ZNF680: variants seen among roughly 807,000 people sequenced by gnomAD.
ZNF680 encodes the protein zinc finger protein 680.
In ZNF680, 6 loss-of-function variants were observed where a neutral mutation model predicts 12.1. The observed-to-expected ratio is 0.49, with a 90% CI of 0.27 to 0.98. The LOEUF is 0.98. Ranked by LOEUF, ZNF680 falls within the 50% of genes least tolerant of loss-of-function variation. ZNF680 has a pLI of 0.12. For synonymous variants in ZNF680, 170 were observed against 199.3 expected (o/e 0.85, Z 1.24); for missense variants, 561 against 616.3 (o/e 0.91, Z 0.95).
intron 1 of ZNF680, among the ~76,000 whole-genome samples, chr7:64,556,259 TAAA>T (rs58056053): frequency 0.014 from 1,216 of 88,480 alleles, 17 homozygotes; most frequent in African/African-American, 0.041. Context: ...TTCACGGAAC[TAAA>T]AAAAAAAAAA....
At chr7:64,508,147 A>AT in the ZNF680 span, among the ~76,000 whole-genome samples, 22 of 135,254 alleles carry the variant, frequency 1.6e-4, no homozygotes, top group African/African-American at 5.6e-4. Context: ...ATATATACAT[A>AT]ATTTTTTTTT....
chr7:64,517,555 C>T (rs973149809), downstream of ZNF680, among the ~76,000 whole-genome samples: 3 of 152,024 alleles, frequency 2.0e-5, no homozygotes, highest in African/African-American at 7.2e-5. Context: ...TGACACTATT[C>T]CACACGACAC....
chr7:64,528,911 A>G (rs1223194324), intron 3 of ZNF680, among the ~76,000 whole-genome samples: 14 of 152,182 alleles, frequency 9.2e-5, no homozygotes, highest in Admixed American at 9.2e-4. Context: ...GAACACTGGA[A>G]GAGTCCATTT....
chr7:64,522,622 A>C (rs571510895), intron 3 of ZNF680, 122 bp from the exon 4 acceptor site: 4 of 820,540 alleles, frequency 4.9e-6, no homozygotes, highest in East Asian at 6.7e-5. Context: ...ATAACTAAAA[A>C]ATCCTAAAAG....
chr7:64,546,937 C>A (rs1017425353), intron 1 of ZNF680, among the ~76,000 whole-genome samples: 2 of 152,100 alleles, frequency 1.3e-5, no homozygotes, highest in African/African-American at 4.8e-5. Context: ...ACCCCTCATA[C>A]TTGACTCTGT....
intron 3 of ZNF680, among the ~76,000 whole-genome samples, chr7:64,532,754 A>G (rs1287967649): frequency 6.6e-6 from 1 of 152,230 alleles, no homozygotes; most frequent in African/African-American, 2.4e-5. Flanking sequence ...TCCCTGATGA[A>G]CATAGATGCT....
intron 1 of ZNF680, 106 bp downstream of exon 1, chr7:64,562,819 G>A: frequency 7.4e-7 from 1 of 1,352,666 alleles, no homozygotes; most frequent in Non-Finnish European, 1.1e-6. Flanking sequence ...CTCGGGCCGC[G>A]GATTTTGGAG....
chr7:64,526,663 T>C (rs1791864622), intron 3 of ZNF680: 1 of 316,534 alleles, frequency 3.2e-6, no homozygotes, highest in South Asian at 1.5e-4. Flanking sequence ...ACTCTCATAA[T>C]GATGGAGCAT....
Position 64,521,754 on chromosome 7 carries a change from A to G in ZNF680, c.1000T>C (p.Phe334Leu), listed in dbSNP as rs1425061608. The change falls in exon 4 of 4, where the codon TTT becomes CTT. Residue 334 changes from phenylalanine to leucine, a missense_variant. Transcript: ENST00000309683. Reference sequence around the variant, plus strand: ...TTCTTATGTTTAGTAAGGTTTGAAAACTGGTTAAAGTCTTTGCCACATTCT... The same window carrying G: ...TTCTTATGTTTAGTAAGGTTTGAAAGCTGGTTAAAGTCTTTGCCACATTCT... Reference protein sequence around the residue: ...CEECGKDFNQFSNLTKHKKIH... With the variant: ...CEECGKDFNQLSNLTKHKKIH... The G allele has an allele frequency of 5.0e-6, 8 of 1,612,716 alleles. 1 individual carries two copies. In the South Asian group the frequency reaches 7.7e-5, roughly 15 times the overall value.
the ZNF680 span, among the ~76,000 whole-genome samples, chr7:64,510,844 A>C: frequency 9.3e-6 from 1 of 108,028 alleles, no homozygotes; most frequent in African/African-American, 3.7e-5. Flanking sequence ...CGGGAGGCGG[A>C]GCTTGCAGTG....
chr7:64,553,795 C>G (rs981442280), intron 1 of ZNF680, among the ~76,000 whole-genome samples: 4 of 152,174 alleles, frequency 2.6e-5, no homozygotes, highest in Non-Finnish European at 5.9e-5. Flanking sequence ...CTGTGTTGGC[C>G]GGGCTGGTCT....
At chr7:64,545,263 C>CAAAA (rs532422147) in intron 1 of ZNF680, among the ~76,000 whole-genome samples, 16 of 89,740 alleles carry the variant, frequency 1.8e-4, no homozygotes, top group African/African-American at 3.7e-4. Flanking sequence ...GACTCCATCT[C>CAAAA]AAAAAAAAAA....
chr7:64,499,773 G>A, the ZNF680 span, among the ~76,000 whole-genome samples: 1 of 152,240 alleles, frequency 6.6e-6, no homozygotes, highest in East Asian at 1.9e-4. Flanking sequence ...AAAACAGCCA[G>A]CTCGGGCACA....
At chr7:64,500,778 CCCT>C in the ZNF680 span, 147 of 335,224 alleles carry the variant, frequency 4.4e-4, 2 homozygotes, top group East Asian at 9.5e-3. Context: ...AATCTCTTCT[CCCT>C]CCTTCCTCCT....
At chr7:64,501,632 A>G in the ZNF680 span, 1 of 798,740 alleles carries the variant, frequency 1.3e-6, no homozygotes, top group Non-Finnish European at 2.2e-6. Context: ...ATGATAATGA[A>G]GGTGGGGGAT....
At chr7:64,557,940 A>T (rs1787513073) in intron 1 of ZNF680, among the ~76,000 whole-genome samples, 1 of 152,212 alleles carries the variant, frequency 6.6e-6, no homozygotes, top group Non-Finnish European at 1.5e-5. Context: ...AAAATAATCT[A>T]CACCAAACCC....
chr7:64,534,899 C>G (rs1025251571), intron 3 of ZNF680, among the ~76,000 whole-genome samples: 9 of 151,336 alleles, frequency 5.9e-5, no homozygotes, highest in Non-Finnish European at 4.4e-5. Context: ...AGTGAAGTAA[C>G]TCAGGAATGG....
chr7:64,530,876 ATAAT>A (rs1286289505), intron 3 of ZNF680, among the ~76,000 whole-genome samples: 35 of 126,668 alleles, frequency 2.8e-4, no homozygotes, highest in African/African-American at 9.2e-4. Flanking sequence ...AAATTTAAAA[ATAAT>A]AATAATAATA....
chr7:64,512,286 A>C, the ZNF680 span, among the ~76,000 whole-genome samples: 1 of 144,882 alleles, frequency 6.9e-6, no homozygotes, highest in African/African-American at 2.6e-5. Context: ...CTTCTCTACT[A>C]AAAAAAAAAT....
Sources: gnomAD v4.1 joint callset for allele counts (sites outside exome capture counted in the v4.1 genomes callset) on GRCh38, gnomAD v4.1.1 for gene constraint, MANE v1.5 for transcripts, NCBI Gene and HGNC (gene_info 2026-07-23, HGNC 2026-07-21) for gene names.